Variants in ST3GAL3 observed in about 807,000 individuals in gnomAD.
The protein encoded by ST3GAL3 is CMP-N-acetylneuraminate-beta-1,4-galactoside alpha-2,3-sialyltransferase.
A neutral mutation model predicts 50.1 loss-of-function variants in ST3GAL3; 21 were observed. The observed-to-expected ratio is 0.42, with a 90% confidence interval of 0.30 to 0.60. The LOEUF (loss-of-function observed/expected upper bound fraction) is 0.60, where lower values mean the gene tolerates loss of function less well. ST3GAL3 is among the 20% of genes least tolerant of loss of function. The pLI, the probability that ST3GAL3 is intolerant of heterozygous loss-of-function variation, is 0.19. For synonymous variants in ST3GAL3, 183 were observed against 190.0 expected, an observed-to-expected ratio of 0.96 and a Z score of 0.30; for missense variants, 353 against 489.4, an observed-to-expected ratio of 0.72 and a Z score of 2.63.
chr1:43,761,127 G>A (rs1690169356), intron 2 of ST3GAL3, among the ~76,000 whole-genome samples: 1 of 152,222 alleles, frequency 6.6e-6, no homozygotes, highest in Non-Finnish European at 1.5e-5. Context: ...ACACTAGGCT[G>A]AGCAGTGGAA....
At chr1:43,759,065 G>GCGCGCACACACACACACA (rs60386464) in intron 2 of ST3GAL3, among the ~76,000 whole-genome samples, 11 of 75,452 alleles carry the variant, frequency 1.5e-4, no homozygotes, top group African/African-American at 4.4e-4. Flanking sequence ...AAAAGCGCGC[G>GCGCGCACACACACACACA]CACACACACA....
intron 1 of ST3GAL3, among the ~76,000 whole-genome samples, chr1:43,719,934 G>GAAAAAAAAAA (rs148364295): frequency 1.2e-4 from 5 of 41,732 alleles, no homozygotes; most frequent in African/African-American, 5.3e-4. Context: ...CTCTGTCTCA[G>GAAAAAAAAAA]AAAAAAAAAA....
chr1:43,877,392 T>C (rs866361675), intron 5 of ST3GAL3, among the ~76,000 whole-genome samples: 15 of 152,062 alleles, frequency 9.9e-5, no homozygotes, highest in African/African-American at 2.7e-4. Flanking sequence ...CCTTCTCACT[T>C]CCCTGCAGAG....
intron 4 of ST3GAL3, among the ~76,000 whole-genome samples, chr1:43,816,566 T>C (rs536531084): frequency 7.2e-5 from 11 of 152,268 alleles, no homozygotes; most frequent in African/African-American, 2.4e-4. Flanking sequence ...ACGGAAGAGA[T>C]AGAGTAATTA....
intron 2 of ST3GAL3, among the ~76,000 whole-genome samples, chr1:43,760,998 A>T (rs554680535): frequency 6.6e-6 from 1 of 152,378 alleles, no homozygotes; most frequent in East Asian, 1.9e-4. Context: ...GGTTTCACTG[A>T]CATGTCCAAA....
chr1:43,897,814 TG>T (rs2077606294), intron 6 of ST3GAL3, among the ~76,000 whole-genome samples: 1 of 152,214 alleles, frequency 6.6e-6, no homozygotes, highest in Admixed American at 6.5e-5. Flanking sequence ...TGGTATCTGC[TG>T]GGTGGGAGCA....
At chr1:43,783,062 C>T (rs887820612) in intron 2 of ST3GAL3, among the ~76,000 whole-genome samples, 5 of 89,026 alleles carry the variant, frequency 5.6e-5, no homozygotes, top group African/African-American at 2.1e-4. Flanking sequence ...TGAGGGGGCT[C>T]AGATAAATTT....
chr1:43,923,265 A>G lies in ST3GAL3; in HGVS notation c.1038+2337A>G, dbSNP rs1350989346. On this transcript the variant is annotated intron_variant, in intron 11 of 11. Coordinates refer to ENST00000347631, the MANE Select transcript of ST3GAL3 (RefSeq NM_006279.5). ...TGGGTGACAGTAAGACCCTGTCTCA[A>G]AAAAAAAAAAAAAAAAGCACTAGCC... Among the ~76,000 whole-genome samples the G allele has an allele frequency of 2.8e-4, 3 of 10,566 alleles. No individual in the cohort carries two copies. The Non-Finnish European group carries it at 5.5e-3, about 19-fold the overall frequency. 6.9% of individuals were successfully genotyped at this position (10,566 alleles called of 152,430 possible).
At chr1:43,780,761 A>G (rs975672233) in intron 2 of ST3GAL3, among the ~76,000 whole-genome samples, 18 of 150,144 alleles carry the variant, frequency 1.2e-4, no homozygotes, top group African/African-American at 3.9e-4. Flanking sequence ...GATATCCTCC[A>G]CCTGTTTCAC....
At chr1:43,745,231 A>C (rs1349066382) in intron 2 of ST3GAL3, among the ~76,000 whole-genome samples, 1 of 152,224 alleles carries the variant, frequency 6.6e-6, no homozygotes, top group Non-Finnish European at 1.5e-5. Context: ...TAACCCAGTA[A>C]AGTGAGATTT....
At chr1:43,756,928 A>G (rs1304512553) in intron 2 of ST3GAL3, among the ~76,000 whole-genome samples, 4 of 152,112 alleles carry the variant, frequency 2.6e-5, no homozygotes, top group South Asian at 2.1e-4. Flanking sequence ...TTTTTGAGGC[A>G]GGGTCTCGCT....
At chr1:43,812,824 C>T (rs925724302) in intron 3 of ST3GAL3, among the ~76,000 whole-genome samples, 5 of 152,100 alleles carry the variant, frequency 3.3e-5, no homozygotes, top group Non-Finnish European at 5.9e-5. Flanking sequence ...CGTGAAGGGA[C>T]AGACTTGCTT....
intron 4 of ST3GAL3, among the ~76,000 whole-genome samples, chr1:43,816,231 C>T (rs148100705): frequency 4.6e-5 from 7 of 152,286 alleles, no homozygotes; most frequent in Non-Finnish European, 8.8e-5. Context: ...GCCACACCTA[C>T]GTACAAGACA....
Position 43,888,466 on chromosome 1 carries a change from A to G in ST3GAL3, c.303-5917A>G, listed in dbSNP as rs920025568. Among the ~76,000 whole-genome samples the G allele has an allele frequency of 7.2e-5, 11 of 152,260 alleles. No homozygotes were observed. The East Asian group carries it at 2.1e-3, about 29-fold the overall frequency. Reference sequence around the variant, plus strand: ...AAAAATGAGGGGGGAAATAAAGAAAAGAAAACACCACAACCCAAGTAAATA... The same window carrying G: ...AAAAATGAGGGGGGAAATAAAGAAAGGAAAACACCACAACCCAAGTAAATA... On this transcript the variant is annotated intron_variant, in intron 5 of 11. Transcript: ENST00000347631.
At chr1:43,834,167 C>T (rs1199825666) in intron 4 of ST3GAL3, among the ~76,000 whole-genome samples, 1 of 152,110 alleles carries the variant, frequency 6.6e-6, no homozygotes, top group East Asian at 1.9e-4. Flanking sequence ...TCTCAGAAAA[C>T]AAACACAACA....
chr1:43,717,854 A>T (rs887432981), intron 1 of ST3GAL3, among the ~76,000 whole-genome samples: 2 of 151,710 alleles, frequency 1.3e-5, no homozygotes, highest in Non-Finnish European at 2.9e-5. Context: ...CAGAACAAAT[A>T]ATTATACCTA....
At chr1:43,837,429 G>A (rs936132493) in intron 4 of ST3GAL3, among the ~76,000 whole-genome samples, 2 of 152,126 alleles carry the variant, frequency 1.3e-5, no homozygotes, top group East Asian at 1.9e-4. Flanking sequence ...GTCTATATTC[G>A]GTCACTGTTC....
intron 1 of ST3GAL3, among the ~76,000 whole-genome samples, chr1:43,708,636 GAA>G (rs1478304256): frequency 6.6e-6 from 1 of 152,214 alleles, no homozygotes; most frequent in Non-Finnish European, 1.5e-5. Flanking sequence ...AGCTGGCACA[GAA>G]ATTTATAGCC....
intron 11 of ST3GAL3, among the ~76,000 whole-genome samples, chr1:43,923,423 T>G (rs1433208087): frequency 6.6e-6 from 1 of 152,224 alleles, no homozygotes; most frequent in Non-Finnish European, 1.5e-5. Flanking sequence ...CAGACTGCTA[T>G]AACAGAATGC....
Sources: allele counts gnomAD v4.1 joint callset (sites outside exome capture counted in the v4.1 genomes callset), GRCh38; gene constraint gnomAD v4.1.1; transcripts MANE v1.5; gene names NCBI Gene and HGNC (gene_info 2026-07-23, HGNC 2026-07-21).